Variants in TMC5 observed in about 807,000 individuals in gnomAD.
The protein encoded by TMC5 is transmembrane channel like 5, also known as transmembrane channel-like protein 5.
TMC5 carries 86 observed loss-of-function variants against 110.5 expected under a neutral mutation model. The observed-to-expected ratio is 0.78, with a 90% CI of 0.65 to 0.93. TMC5 has a LOEUF of 0.93. Among genes scored for constraint, TMC5 ranks in the 40% least tolerant of loss-of-function variants. The pLI is 0.00. For missense variants in TMC5, 1,144 were observed against 1,222.8 expected, an observed-to-expected ratio of 0.94 and a Z score of 0.96; for synonymous variants, 455 against 439.5, an observed-to-expected ratio of 1.04 and a Z score of -0.44.
chr16:19,458,161 C>T (rs1967934394), intron 5 of TMC5, among the ~76,000 whole-genome samples: 1 of 152,088 alleles, frequency 6.6e-6, no homozygotes, highest in African/African-American at 2.4e-5. Context: ...ACCTTCCAGC[C>T]TCTCTGCTCC....
intron 1 of TMC5, among the ~76,000 whole-genome samples, chr16:19,427,644 C>G (rs1967112036): frequency 6.6e-6 from 1 of 152,000 alleles, no homozygotes; most frequent in African/African-American, 2.4e-5. Flanking sequence ...CTTTGGCACT[C>G]TTGGCATTTG....
intron 20 of TMC5, among the ~76,000 whole-genome samples, chr16:19,496,438 A>G (rs1164522893): frequency 6.6e-6 from 1 of 152,202 alleles, no homozygotes; most frequent in East Asian, 1.9e-4. Flanking sequence ...CTGACAAGTA[A>G]TTTACCATCT....
chr16:19,419,655 A>G (rs565296464), intron 1 of TMC5, among the ~76,000 whole-genome samples: 20 of 151,810 alleles, frequency 1.3e-4, no homozygotes, highest in South Asian at 4.2e-4. Flanking sequence ...CTCGTGATCC[A>G]TCCGCCTCGG....
intron 17 of TMC5, chr16:19,487,748 T>C (rs1267947880): frequency 6.9e-6 from 1 of 143,922 alleles, no homozygotes; most frequent in Non-Finnish European, 1.5e-5. Flanking sequence ...AATAAATAAA[T>C]AAATAAATAA....
chr16:19,436,868 C>A (rs528319173), intron 2 of TMC5, among the ~76,000 whole-genome samples: 6 of 152,242 alleles, frequency 3.9e-5, no homozygotes, highest in African/African-American at 1.4e-4. Context: ...TGACCACTGG[C>A]AGCTTCAGGT....
At chr16:19,435,511 GA>G (rs1967324595) in intron 2 of TMC5, among the ~76,000 whole-genome samples, 2 of 151,284 alleles carry the variant, frequency 1.3e-5, no homozygotes, top group South Asian at 2.1e-4. Flanking sequence ...AAAAAAAAAA[GA>G]AAAAAATTTA....
At chr16:19,421,013 G>C (rs994599000) in intron 1 of TMC5, among the ~76,000 whole-genome samples, 6 of 149,458 alleles carry the variant, frequency 4.0e-5, no homozygotes, top group Admixed American at 2.7e-4. Context: ...AATGGTTTAG[G>C]TCACCCCAAG....
chr16:19,487,646 G>A (rs1478413010), intron 17 of TMC5, among the ~76,000 whole-genome samples: 1 of 151,834 alleles, frequency 6.6e-6, no homozygotes, highest in Non-Finnish European at 1.5e-5. Flanking sequence ...AGGTTGCAGT[G>A]AGCCAAGATT....
At position 19,481,336 on chromosome 16, in the gene TMC5, T is replaced by C. The variant is rs778004308; in HGVS notation, c.2268-34T>C. 10 of 1,443,924 alleles carry C rather than the reference T, an allele frequency of 6.9e-6. No individual in the cohort carries two copies. In the East Asian group the frequency reaches 1.1e-4, roughly 16 times the overall value. The allele number at this position is 1,443,924 out of a possible 1,614,324, so 89.4% of individuals were successfully genotyped here. A position where few individuals can be genotyped will look rare whatever the true frequency, so the allele number is the denominator to read the frequency against. ...GGGGATCTTCTGAAAGTGGGAGTTA[T>C]GGTTTGGGTACTAAACTCAGTATGT... On this transcript the variant is annotated intron_variant, in intron 14 of 21. Coordinates refer to ENST00000542583, the MANE Select transcript of TMC5 (RefSeq NM_001261841.2).
At chr16:19,497,221 A>C in intron 21 of TMC5, 58 bp downstream of exon 21, 1 of 1,549,904 alleles carries the variant, frequency 6.5e-7, no homozygotes, top group South Asian at 1.1e-5. Flanking sequence ...GAAATATCCT[A>C]AGACAAGTGT....
intron 3 of TMC5, among the ~76,000 whole-genome samples, chr16:19,442,320 A>G: frequency 7.4e-6 from 1 of 135,416 alleles, no homozygotes; most frequent in African/African-American, 2.7e-5. Context: ...TGCCAACAAA[A>G]TGTAATTTTT....
At chr16:19,469,909 T>A in intron 10 of TMC5, 84 bp downstream of exon 10, 1 of 1,490,784 alleles carries the variant, frequency 6.7e-7, no homozygotes, top group Non-Finnish European at 9.1e-7. Flanking sequence ...TTTTTTTTTT[T>A]TTTGAATTGG....
intron 14 of TMC5, among the ~76,000 whole-genome samples, chr16:19,480,581 A>G (rs1411865039): frequency 6.6e-6 from 1 of 152,100 alleles, no homozygotes; most frequent in Non-Finnish European, 1.5e-5. Flanking sequence ...AAGGCGGGTG[A>G]ATCACCTGAG....
At chr16:19,456,464 A>T (rs1967875013) in intron 5 of TMC5, 16 of 1,191,206 alleles carry the variant, frequency 1.3e-5, no homozygotes, top group Non-Finnish European at 1.5e-5. Context: ...AATTCTCTGC[A>T]GGAAAACACT....
At position 19,463,830 on chromosome 16, in the gene TMC5, TG is replaced by T. The variant is rs761658707; in HGVS notation, c.1293del (p.Trp431CysfsTer5). 1.2e-6 allele frequency: 2 copies of T among 1,614,254 alleles called. No individual in the cohort carries two copies. Among genetic ancestry groups the T allele is most frequent in the South Asian group, 2.2e-5 (2 of 91,090 alleles). ...GGAAATTCTGAATTCCATCAGCCTG[TG>T]GCAGAAGACGCTGAAGATCATTGGA... ...LSEILNSISL[W>X]QKTLKIIGGK... On this transcript the variant is annotated frameshift_variant, in exon 8 of 22. Transcript: ENST00000542583. LOFTEE classifies it high-confidence loss of function.
At chr16:19,491,253 T>A (rs1968897944) in intron 18 of TMC5, among the ~76,000 whole-genome samples, 1 of 152,074 alleles carries the variant, frequency 6.6e-6, no homozygotes, top group Non-Finnish European at 1.5e-5. Flanking sequence ...CAAATTATCC[T>A]CCTGCCTCAG....
chr16:19,422,463 T>C (rs1967006102), intron 1 of TMC5, among the ~76,000 whole-genome samples: 1 of 152,176 alleles, frequency 6.6e-6, no homozygotes, highest in Non-Finnish European at 1.5e-5. Context: ...ACCTCCATAA[T>C]CATATGTTTG....
intron 2 of TMC5, among the ~76,000 whole-genome samples, chr16:19,438,529 C>T (rs915157292): frequency 2.0e-5 from 3 of 150,630 alleles, no homozygotes; most frequent in African/African-American, 7.3e-5. Flanking sequence ...GGTGGATCAC[C>T]TGAGGTCAGG....
intron 4 of TMC5, 148 bp downstream of exon 4, chr16:19,444,398 G>T: frequency 1.4e-6 from 1 of 710,166 alleles, no homozygotes; most frequent in East Asian, 2.7e-5. Flanking sequence ...CAAAAGTTGA[G>T]AATTCAGTGT....
Sources: allele counts gnomAD v4.1 joint callset (sites outside exome capture counted in the v4.1 genomes callset), GRCh38; gene constraint gnomAD v4.1.1; transcripts MANE v1.5; gene names NCBI Gene and HGNC (gene_info 2026-07-23, HGNC 2026-07-21).